The following TGFBR3 variants were observed in gnomAD, a reference collection of about 807,000 sequenced individuals.
The protein encoded by TGFBR3 is transforming growth factor beta receptor type 3.
In TGFBR3, 46 loss-of-function variants were observed where a neutral mutation model predicts 87.9. The observed-to-expected ratio is 0.52, with a 90% CI of 0.41 to 0.67. The LOEUF (loss-of-function observed/expected upper bound fraction) is 0.67, where lower values mean the gene tolerates loss of function less well. TGFBR3 is among the 30% of genes least tolerant of loss of function. TGFBR3 has a pLI of 0.00. For missense variants in TGFBR3, 866 were observed against 1,041.9 expected (o/e 0.83, Z 2.32); for synonymous variants, 381 against 391.6 (o/e 0.97, Z 0.32).
In TGFBR3 at chr1:91,708,748, G is replaced by A. The variant is rs143550507; in HGVS notation, c.2202C>T (p.Asp734=). 208 of 1,614,034 alleles carry A rather than the reference G, an allele frequency of 1.3e-4. 2 individuals carry two copies. The African/African-American group carries it at 2.1e-3, about 17-fold the overall frequency. ...VPPDEACTSL[D]ASIIWAMMQN... is the part of the protein sequence containing the mutation. ...GCATCATGGCCCAGATTATCGAGGC[G>A]TCCAGCGAGGTGCAGGCTTCGTCAG... Residue 734 remains aspartate (D), a synonymous_variant, in exon 14 of 17, where the codon GAC becomes GAT. Coordinates refer to ENST00000212355, the MANE Select transcript of TGFBR3 (RefSeq NM_003243.5).
chr1:91,783,029 T>C (rs1390865911), intron 3 of TGFBR3, among the ~76,000 whole-genome samples: 1 of 152,176 alleles, frequency 6.6e-6, no homozygotes, highest in African/African-American at 2.4e-5. Flanking sequence ...TACACATGTA[T>C]CAACAAATAG....
At chr1:91,904,624 G>A (rs1004817954) in intron 1 of TGFBR3, among the ~76,000 whole-genome samples, 2 of 150,520 alleles carry the variant, frequency 1.3e-5, no homozygotes, top group Admixed American at 1.3e-4. Flanking sequence ...GAGTGCAGTG[G>A]TGCAATCTCG....
intron 16 of TGFBR3, 48 bp downstream of exon 16, chr1:91,695,624 G>A: frequency 7.1e-7 from 1 of 1,411,750 alleles, no homozygotes; most frequent in Middle Eastern, 1.8e-4. Context: ...CTATTGTGTG[G>A]CAGGAACACA....
chr1:91,894,261 A>C lies in TGFBR3; in HGVS notation c.-114+5376T>G, dbSNP rs191015595. On this transcript the variant is annotated intron_variant, in intron 2 of 17. Transcript: ENST00000370399. ...CCTGGAGTCATTCCTTCAATGACTC[A>C]ATGACTTTCATCCTGTAGTAATTCC... Among the ~76,000 whole-genome samples, 318 of 152,270 alleles carry C rather than the reference A, an allele frequency of 2.1e-3. 1 individual carries two copies. Among genetic ancestry groups the C allele is most frequent in the African/African-American group, 7.1e-3 (294 of 41,550 alleles).
At chr1:91,737,114 C>T (rs780479142) in intron 4 of TGFBR3, among the ~76,000 whole-genome samples, 8 of 152,114 alleles carry the variant, frequency 5.3e-5, no homozygotes, top group Non-Finnish European at 1.0e-4. Context: ...GTTGTCCTCA[C>T]GGGCCAGCAG....
intron 4 of TGFBR3, among the ~76,000 whole-genome samples, chr1:91,750,621 C>T (rs1318488031): frequency 3.9e-5 from 6 of 152,110 alleles, no homozygotes; most frequent in Non-Finnish European, 8.8e-5. Flanking sequence ...CCACAAGAGA[C>T]ATTTAAAAAA....
chr1:91,703,516 C>T (rs967575006), intron 14 of TGFBR3, among the ~76,000 whole-genome samples: 5 of 152,128 alleles, frequency 3.3e-5, no homozygotes, highest in African/African-American at 7.2e-5. Context: ...ATGTAAATCA[C>T]GGCAAATTTT....
In TGFBR3 at chr1:91,882,925, G is replaced by A. The variant is rs149280894; in HGVS notation, c.-114+2953C>T. Among the ~76,000 whole-genome samples, 593 of 152,234 alleles carry A rather than the reference G, an allele frequency of 3.9e-3. 1 individual carries two copies. Among genetic ancestry groups the A allele is most frequent in the African/African-American group, 0.013 (544 of 41,528 alleles). On this transcript the variant is annotated intron_variant, in intron 1 of 16. Transcript: ENST00000212355. The stretch of plus-strand genomic sequence containing the variant: ...AACGTAAGCCTCTGAGGAATTCACA[G>A]TAATAGAACTGCTGTTATTTAGGAT...
At chr1:91,755,424 C>A (rs1330301773) in intron 4 of TGFBR3, among the ~76,000 whole-genome samples, 1 of 152,050 alleles carries the variant, frequency 6.6e-6, no homozygotes, top group Non-Finnish European at 1.5e-5. Flanking sequence ...CTCTTCCAGG[C>A]CAAGAAGAAA....
chr1:91,708,415 G>A (rs1671867828), intron 14 of TGFBR3, among the ~76,000 whole-genome samples: 1 of 152,072 alleles, frequency 6.6e-6, no homozygotes, highest in Non-Finnish European at 1.5e-5. Flanking sequence ...CTTATGACAG[G>A]AACAACCTAG....
chr1:91,785,768 CTTTT>C (rs774046968), intron 3 of TGFBR3, among the ~76,000 whole-genome samples: 4 of 137,120 alleles, frequency 2.9e-5, no homozygotes. Flanking sequence ...GGCTTCTGTA[CTTTT>C]TTTTTTTTTT....
Position 91,708,596 on chromosome 1 carries a change from C to T in TGFBR3, c.2287+67G>A, listed in dbSNP as rs1049712216. 3.7e-6 allele frequency: 6 copies of T among 1,610,404 alleles called. No homozygotes were observed. In the African/African-American group the frequency reaches 8.0e-5, roughly 22 times the overall value. Reference sequence around the variant, plus strand: ...GTGAATAAAGCTGGACTTTGATTTACACTATTGGGTCTTCTTAACAAGCAG... The same window carrying T: ...GTGAATAAAGCTGGACTTTGATTTATACTATTGGGTCTTCTTAACAAGCAG... On this transcript the variant is annotated intron_variant, in intron 14 of 16. Coordinates refer to ENST00000212355, the MANE Select transcript of TGFBR3 (RefSeq NM_003243.5).
chr1:91,816,302 G>A (rs1402909554), intron 2 of TGFBR3, among the ~76,000 whole-genome samples: 1 of 152,228 alleles, frequency 6.6e-6, no homozygotes, highest in African/African-American at 2.4e-5. Flanking sequence ...AGAGGCCAAA[G>A]ACTACATCTG....
At chr1:91,814,361 T>G (rs1676139118) in intron 2 of TGFBR3, among the ~76,000 whole-genome samples, 1 of 152,154 alleles carries the variant, frequency 6.6e-6, no homozygotes, top group Non-Finnish European at 1.5e-5. Flanking sequence ...TAATTTATCC[T>G]AGATTTCAAC....
intron 13 of TGFBR3, among the ~76,000 whole-genome samples, chr1:91,709,671 A>G (rs1671916040): frequency 1.3e-5 from 2 of 152,170 alleles, no homozygotes; most frequent in South Asian, 4.1e-4. Context: ...GCTCAGGCCC[A>G]CTACATCTGT....
rs1316910182 is a variant in TGFBR3, at chr1:91,861,581, A to ACAATCTTT, written c.-51_-50insAAAGATTG. 7.0e-7 allele frequency: 1 copy of ACAATCTTT among 1,437,906 alleles called. No individual in the cohort carries two copies. The highest frequency in any genetic ancestry group is 1.4e-5 in the African/African-American group (1 of 71,324). The allele number at this position is 1,437,906 out of a possible 1,614,324, so 89.1% of individuals were successfully genotyped here. The stretch of plus-strand genomic sequence containing the variant: ...CGTCCAGTCACTTCAGCCTGCTCAG[A>ACAATCTTT]GCACAGACAATCTTTGCAAATCAGA... On this transcript the variant is annotated 5_prime_UTR_variant, in exon 2 of 17. Coordinates refer to ENST00000212355, the MANE Select transcript of TGFBR3 (RefSeq NM_003243.5).
intron 3 of TGFBR3, among the ~76,000 whole-genome samples, chr1:91,791,335 G>C (rs921079717): frequency 6.6e-6 from 1 of 152,160 alleles, no homozygotes; most frequent in Non-Finnish European, 1.5e-5. Flanking sequence ...GTGCCATTTA[G>C]CATGGGGATT....
At chr1:91,869,630 T>C (rs755037372) in intron 1 of TGFBR3, among the ~76,000 whole-genome samples, 1 of 152,158 alleles carries the variant, frequency 6.6e-6, no homozygotes, top group Non-Finnish European at 1.5e-5. Context: ...CGCCACTGCA[T>C]TCCAGCCTAG....
upstream of TGFBR3, among the ~76,000 whole-genome samples, chr1:91,889,177 G>A (rs552691132): frequency 2.6e-4 from 39 of 152,252 alleles, no homozygotes; most frequent in South Asian, 4.0e-3. Context: ...GAGCCACTGC[G>A]CCTGGCCATG....
Sources: allele counts gnomAD v4.1 joint callset (sites outside exome capture counted in the v4.1 genomes callset), GRCh38; gene constraint gnomAD v4.1.1; transcripts MANE v1.5; gene names NCBI Gene and HGNC (gene_info 2026-07-23, HGNC 2026-07-21).